IFT80: variants seen among roughly 807,000 people sequenced by gnomAD.
IFT80 encodes intraflagellar transport protein 80 homolog.
A neutral mutation model predicts 107.9 loss-of-function variants in IFT80; 79 were observed. The ratio of observed to expected loss-of-function variants is 0.73; its 90% CI spans 0.61 to 0.88. The LOEUF (loss-of-function observed/expected upper bound fraction) is 0.88, where lower values mean the gene tolerates loss of function less well. Among genes scored for constraint, IFT80 ranks in the 40% least tolerant of loss-of-function variants. The pLI is 0.00. For synonymous variants in IFT80, 299 were observed against 300.9 expected (o/e 0.99, Z 0.07); for missense variants, 797 against 914.2 (o/e 0.87, Z 1.65).
chr3:160,261,636 C>T lies in IFT80; in HGVS notation c.2224-3001G>A, dbSNP rs143565004. ...GCAACATAGTGAGACCCTGTCTATACAAAAAAATAAAAAATTTAGCTGGGC... is the reference window on the plus strand; with the variant it reads ...GCAACATAGTGAGACCCTGTCTATATAAAAAAATAAAAAATTTAGCTGGGC... On this transcript the variant is annotated intron_variant, in intron 19 of 19. Coordinates refer to ENST00000326448, the MANE Select transcript of IFT80 (RefSeq NM_020800.3). 4.4e-3 allele frequency among the ~76,000 whole-genome samples: 660 copies of T among 149,064 alleles called. 2 individuals are homozygous for T. The highest frequency in any genetic ancestry group is 0.02 in the Middle Eastern group (6 of 294).
chr3:160,394,052 G>A (rs1713588186), intron 1 of IFT80: 2 of 152,216 alleles, frequency 1.3e-5, no homozygotes, highest in Non-Finnish European at 2.9e-5. Context: ...AAAGAAGAAA[G>A]GAGAAAGGCA....
At chr3:160,259,340 G>A (rs1198991829) in intron 19 of IFT80, among the ~76,000 whole-genome samples, 2 of 152,052 alleles carry the variant, frequency 1.3e-5, no homozygotes, top group South Asian at 2.1e-4. Flanking sequence ...TCTTCCAAAC[G>A]AGGAAAAAGT....
At chr3:160,333,810 T>C (rs1719259942) in intron 8 of IFT80, among the ~76,000 whole-genome samples, 1 of 152,128 alleles carries the variant, frequency 6.6e-6, no homozygotes, top group Non-Finnish European at 1.5e-5. Context: ...AAAATAACAA[T>C]AAAAAGAATA....
chr3:160,311,444 T>C (rs1051205274), intron 9 of IFT80, among the ~76,000 whole-genome samples: 1 of 152,172 alleles, frequency 6.6e-6, no homozygotes, highest in Non-Finnish European at 1.5e-5. Flanking sequence ...AATGTTACTA[T>C]GGTAATGTTA....
intron 8 of IFT80, among the ~76,000 whole-genome samples, chr3:160,335,226 CT>C (rs901230231): frequency 6.0e-5 from 9 of 149,410 alleles, no homozygotes; most frequent in African/African-American, 2.2e-4. Flanking sequence ...AATCCCAATT[CT>C]TTTTTTCTTT....
intron 12 of IFT80, among the ~76,000 whole-genome samples, chr3:160,291,209 T>C (rs1265367685): frequency 6.6e-6 from 1 of 152,224 alleles, no homozygotes; most frequent in South Asian, 2.1e-4. Context: ...TGAGAGGCAA[T>C]TACTAGCTTG....
chr3:160,335,661 A>T (rs1719416094), intron 8 of IFT80, among the ~76,000 whole-genome samples: 1 of 152,196 alleles, frequency 6.6e-6, no homozygotes, highest in Non-Finnish European at 1.5e-5. Context: ...TTTAAGCAAC[A>T]ACTTTATTCA....
chr3:160,321,337 T>C (rs993931050), intron 8 of IFT80, among the ~76,000 whole-genome samples: 9 of 151,996 alleles, frequency 5.9e-5, no homozygotes, highest in African/African-American at 1.7e-4. Flanking sequence ...TTAAAAGTGG[T>C]TGATAATGAC....
chr3:160,355,525 A>ACAGGCATGAAACACCACATC (rs1199318285), intron 8 of IFT80, among the ~76,000 whole-genome samples: 2 of 152,284 alleles, frequency 1.3e-5, no homozygotes, highest in East Asian at 3.9e-4. Flanking sequence ...TGCTGGGATT[A>ACAGGCATGAAACACCACATC]CAGGCATGAA....
intron 8 of IFT80, among the ~76,000 whole-genome samples, chr3:160,333,539 T>C (rs1719237507): frequency 6.6e-6 from 1 of 152,200 alleles, no homozygotes; most frequent in Non-Finnish European, 1.5e-5. Flanking sequence ...AAATTTTTTG[T>C]TTTGTTTTTT....
At chr3:160,367,466 A>G (rs1721943831) in intron 5 of IFT80, among the ~76,000 whole-genome samples, 1 of 152,144 alleles carries the variant, frequency 6.6e-6, no homozygotes, top group Non-Finnish European at 1.5e-5. Context: ...AGACTAATGG[A>G]CAGAAATAAC....
chr3:160,277,397 C>T lies in IFT80; in HGVS notation c.2008G>A (p.Gly670Arg). The T allele has an allele frequency of 6.2e-7, 1 of 1,613,312 alleles. No individual in the cohort carries two copies. The highest frequency in any genetic ancestry group is 1.7e-4 in the Middle Eastern group (1 of 6,046). ...SKMAHILLFS[G>R]NIQEAEIVLL... is the part of the protein sequence containing the mutation. ...ACTATTTCAGCCTCCTGTATGTTCC[C>T]ACTAAACAGTAGTATGTGGGCCATT... The change falls in exon 18 of 20, where the codon GGG becomes AGG. Residue 670 changes from glycine to arginine, a missense_variant. Transcript: ENST00000326448.
intron 7 of IFT80, 124 bp downstream of exon 7, chr3:160,357,364 TA>T (rs1256482931): frequency 1.6e-6 from 1 of 606,642 alleles, no homozygotes; most frequent in South Asian, 2.1e-5. Context: ...CATTATAAAA[TA>T]ATTTGCTAAA....
At chr3:160,273,548 C>T (rs948563211) in intron 18 of IFT80, among the ~76,000 whole-genome samples, 2 of 152,174 alleles carry the variant, frequency 1.3e-5, no homozygotes, top group Non-Finnish European at 2.9e-5. Flanking sequence ...TTAAAAGTAA[C>T]TTCTACGTTT....
Position 160,277,082 on chromosome 3 carries a change from T to A in IFT80, c.2099+224A>T, listed in dbSNP as rs531138229. On this transcript the variant is annotated intron_variant, in intron 18 of 19. Coordinates refer to ENST00000326448, the MANE Select transcript of IFT80 (RefSeq NM_020800.3). Reference sequence around the variant, plus strand: ...CTCTCCAGTTGCTAAAACCAAAAATTTAGGAAACACCCTAGCCTCTCTTCT... The same window carrying A: ...CTCTCCAGTTGCTAAAACCAAAAATATAGGAAACACCCTAGCCTCTCTTCT... Among the ~76,000 whole-genome samples, 5 of 152,256 alleles carry A rather than the reference T, an allele frequency of 3.3e-5. No homozygotes were observed. The South Asian group carries it at 1.0e-3, about 32-fold the overall frequency.
chr3:160,274,647 A>C (rs1258636076), intron 18 of IFT80: 2 of 152,234 alleles, frequency 1.3e-5, no homozygotes, highest in Non-Finnish European at 2.9e-5. Context: ...CAGTAAAAAC[A>C]ACATAAGCAT....
intron 8 of IFT80, among the ~76,000 whole-genome samples, chr3:160,347,707 A>G (rs1349519930): frequency 6.6e-6 from 1 of 152,202 alleles, no homozygotes; most frequent in African/African-American, 2.4e-5. Context: ...CATCATAAGT[A>G]TCTTTCCAGG....
chr3:160,355,722 T>C (rs1721027904), intron 8 of IFT80, among the ~76,000 whole-genome samples: 2 of 152,296 alleles, frequency 1.3e-5, no homozygotes, highest in Non-Finnish European at 2.9e-5. Context: ...GAATTTTCCA[T>C]ATTGAATGGG....
chr3:160,297,197 T>C (rs1203696956), intron 12 of IFT80, among the ~76,000 whole-genome samples: 3 of 152,144 alleles, frequency 2.0e-5, no homozygotes, highest in Non-Finnish European at 4.4e-5. Flanking sequence ...CTTCTCTTAG[T>C]CTCAATCGTA....
Sources: gnomAD v4.1 joint callset for allele counts (sites outside exome capture counted in the v4.1 genomes callset) on GRCh38, gnomAD v4.1.1 for gene constraint, MANE v1.5 for transcripts, NCBI Gene and HGNC (gene_info 2026-07-23, HGNC 2026-07-21) for gene names.